OPCML: variants seen among roughly 807,000 people sequenced by gnomAD.
OPCML encodes the protein opioid binding protein/cell adhesion molecule like.
In OPCML, 13 loss-of-function variants were observed where a neutral mutation model predicts 37.8. That is an observed-to-expected ratio of 0.34 (90% CI 0.22 to 0.55). OPCML has a LOEUF of 0.55. OPCML is among the 20% of genes least tolerant of loss of function. OPCML has a pLI of 0.91. For missense variants in OPCML, 341 were observed against 435.6 expected (o/e 0.78, Z 1.93); for synonymous variants, 176 against 168.8 (o/e 1.04, Z -0.33).
At chr11:132,462,510 G>A (rs2096105955) in intron 4 of OPCML, among the ~76,000 whole-genome samples, 1 of 152,184 alleles carries the variant, frequency 6.6e-6, no homozygotes, top group Non-Finnish European at 1.5e-5. Context: ...ATTCTGAGCT[G>A]GAAGCGAGTG....
chr11:132,782,859 C>T (rs201710413), intron 2 of OPCML, among the ~76,000 whole-genome samples: 1 of 141,072 alleles, frequency 7.1e-6, no homozygotes, highest in East Asian at 2.0e-4. Context: ...CCACTATTTA[C>T]ATATATAATT....
intron 2 of OPCML, among the ~76,000 whole-genome samples, chr11:132,776,246 A>T (rs1475979718): frequency 6.6e-6 from 1 of 152,258 alleles, no homozygotes; most frequent in East Asian, 1.9e-4. Context: ...TGTTTCTTTC[A>T]GGAACATCAC....
At chr11:133,317,328 G>A (rs1016990609) in intron 1 of OPCML, among the ~76,000 whole-genome samples, 1 of 152,120 alleles carries the variant, frequency 6.6e-6, no homozygotes, top group Admixed American at 6.5e-5. Context: ...ACACATATTA[G>A]AATATCAGGA....
chr11:132,842,744 A>G lies in OPCML; in HGVS notation c.146+100182T>C, dbSNP rs190051741. Among the ~76,000 whole-genome samples the G allele has an allele frequency of 5.9e-3, 892 of 152,306 alleles. 8 individuals carry two copies. Among genetic ancestry groups the G allele is most frequent in the African/African-American group, 0.02 (849 of 41,572 alleles). ...ACAGGCTAAGGTTCTGTTTAGACGC[A>G]CTGCCAAAGCCACCTGTACAAGAGT... is the stretch of plus-strand genomic sequence containing the variant. On this transcript the variant is annotated intron_variant, in intron 2 of 7. Coordinates refer to ENST00000524381, the MANE Select transcript of OPCML (RefSeq NM_001012393.5).
chr11:132,629,089 C>A (rs1939926004), intron 3 of OPCML, among the ~76,000 whole-genome samples: 1 of 152,126 alleles, frequency 6.6e-6, no homozygotes, highest in South Asian at 2.1e-4. Flanking sequence ...GCTTGCCCTG[C>A]CCTGCTCTTT....
intron 2 of OPCML, among the ~76,000 whole-genome samples, chr11:132,823,175 T>C (rs897002079): frequency 1.3e-5 from 2 of 152,214 alleles, no homozygotes; most frequent in Non-Finnish European, 2.9e-5. Flanking sequence ...GTATGTTTGC[T>C]TGTTTTCTTC....
At chr11:132,703,868 C>T (rs1943930594) in intron 2 of OPCML, among the ~76,000 whole-genome samples, 1 of 152,118 alleles carries the variant, frequency 6.6e-6, no homozygotes, top group Non-Finnish European at 1.5e-5. Context: ...TAGCCTGGTG[C>T]TGAGGCAGGC....
At chr11:133,186,877 G>A (rs970872495) in intron 1 of OPCML, among the ~76,000 whole-genome samples, 3 of 152,148 alleles carry the variant, frequency 2.0e-5, no homozygotes, top group Non-Finnish European at 2.9e-5. Context: ...GAGGGAGTTA[G>A]AATTCTAAGG....
At chr11:133,130,925 C>G (rs954981282) in intron 1 of OPCML, among the ~76,000 whole-genome samples, 1 of 152,106 alleles carries the variant, frequency 6.6e-6, no homozygotes, top group Admixed American at 6.5e-5. Flanking sequence ...CCACTGTAGG[C>G]TGAATATTAA....
chr11:132,424,553 G>T (rs997998692), intron 7 of OPCML, among the ~76,000 whole-genome samples: 2 of 152,166 alleles, frequency 1.3e-5, no homozygotes, highest in African/African-American at 4.8e-5. Flanking sequence ...ACATCCCTAG[G>T]GACCTCAGGA....
intron 1 of OPCML, among the ~76,000 whole-genome samples, chr11:133,104,457 AC>A (rs1434628810): frequency 3.9e-5 from 6 of 152,220 alleles, no homozygotes; most frequent in Non-Finnish European, 5.9e-5. Flanking sequence ...TTTTTATAAA[AC>A]AAGTTATTTA....
chr11:132,574,344 T>G (rs534003816), intron 3 of OPCML, among the ~76,000 whole-genome samples: 1 of 151,472 alleles, frequency 6.6e-6, no homozygotes, highest in African/African-American at 2.4e-5. Flanking sequence ...GGTGTAAAAT[T>G]AAATTGTTTA....
chr11:132,769,240 G>GTTTTTTT (rs374516026), intron 2 of OPCML, among the ~76,000 whole-genome samples: 2 of 146,612 alleles, frequency 1.4e-5, no homozygotes. Flanking sequence ...TGGTTTGTTT[G>GTTTTTTT]TTGTTTTTTT....
chr11:132,849,853 C>T (rs1282761975), intron 2 of OPCML, among the ~76,000 whole-genome samples: 1 of 152,214 alleles, frequency 6.6e-6, no homozygotes, highest in Non-Finnish European at 1.5e-5. Context: ...GGCATTGTGC[C>T]AGTCCTCATG....
intron 1 of OPCML, among the ~76,000 whole-genome samples, chr11:133,101,159 G>T (rs545598185): frequency 6.6e-6 from 1 of 152,222 alleles, no homozygotes; most frequent in South Asian, 2.1e-4. Flanking sequence ...TCCTGACCTT[G>T]TGATCTGCCT....
At chr11:132,648,108 A>G (rs1242200024) in intron 3 of OPCML, among the ~76,000 whole-genome samples, 1 of 152,210 alleles carries the variant, frequency 6.6e-6, no homozygotes, top group Non-Finnish European at 1.5e-5. Flanking sequence ...CACTATTCTG[A>G]ATTCACAGTT....
In OPCML at chr11:133,373,456, C is replaced by A. The variant is rs527457473; in HGVS notation, c.61+158808G>T. Among the ~76,000 whole-genome samples the A allele has an allele frequency of 5.5e-3, 581 of 106,592 alleles. 6 individuals carry two copies. The highest frequency in any genetic ancestry group is 0.018 in the African/African-American group (519 of 29,178). 69.9% of individuals were successfully genotyped at this position (106,592 alleles called of 152,430 possible). On this transcript the variant is annotated intron_variant, in intron 1 of 7. Coordinates refer to ENST00000524381, the MANE Select transcript of OPCML (RefSeq NM_001012393.5). ...ATATATATATATATATATACACACA[C>A]ACACACAAAAATACAAAATTTAGCC...
At chr11:133,320,109 C>T (rs1370327098) in intron 1 of OPCML, among the ~76,000 whole-genome samples, 1 of 152,114 alleles carries the variant, frequency 6.6e-6, no homozygotes, top group Admixed American at 6.5e-5. Context: ...TCATTTCACC[C>T]GTTATTTTAG....
intron 2 of OPCML, among the ~76,000 whole-genome samples, chr11:132,713,098 T>G (rs960312545): frequency 6.6e-6 from 1 of 152,188 alleles, no homozygotes; most frequent in African/African-American, 2.4e-5. Flanking sequence ...CTGAAAGAGC[T>G]TGGGAGCTCC....
Sources: gnomAD v4.1 joint callset for allele counts (sites outside exome capture counted in the v4.1 genomes callset) on GRCh38, gnomAD v4.1.1 for gene constraint, MANE v1.5 for transcripts, NCBI Gene and HGNC (gene_info 2026-07-23, HGNC 2026-07-21) for gene names.